PPP4R1: variants seen among roughly 807,000 people sequenced by gnomAD.
The protein encoded by PPP4R1 is serine/threonine-protein phosphatase 4 regulatory subunit 1.
In PPP4R1, 42 loss-of-function variants were observed where a neutral mutation model predicts 111.2. The observed-to-expected ratio is 0.38, with a 90% CI of 0.29 to 0.49. The LOEUF is 0.49. Among genes scored for constraint, PPP4R1 ranks in the 20% least tolerant of loss-of-function variants. PPP4R1 has a pLI of 0.97. For missense variants in PPP4R1, 1,012 were observed against 1,161.6 expected (o/e 0.87, Z 1.87); for synonymous variants, 409 against 405.5 (o/e 1.01, Z -0.10).
At position 9,557,250 on chromosome 18, in the gene PPP4R1, C is replaced by T; in HGVS notation, c.2161G>A (p.Val721Ile). Residue 721 changes from valine (V) to isoleucine (I), a missense_variant, in exon 15 of 20, where the codon GTT becomes ATT. By Grantham distance (29) the Val-to-Ile change is conservative. This residue lies in a region of PPP4R1 where 305 missense variants were observed against 419.5 expected (regional missense o/e 0.73). Coordinates refer to ENST00000400556, the MANE Select transcript of PPP4R1 (RefSeq NM_001042388.3). ...AGAAAATCATGCAAGTGTTTAAGAA[C>T]ACCTATCCTGACTTCATCGAGGTCT... is the stretch of plus-strand genomic sequence containing the variant. ...LKDLDEVRIG[V>I]LKHLHDFLKL... 1 of 1,600,328 alleles carries T rather than the reference C, an allele frequency of 6.2e-7. No individual in the cohort carries two copies. The highest frequency in any genetic ancestry group is 1.1e-5 in the South Asian group (1 of 87,576).
chr18:9,601,736 G>A lies in PPP4R1; in HGVS notation c.53-6583C>T, dbSNP rs567459007. 2.3e-3 allele frequency among the ~76,000 whole-genome samples: 348 copies of A among 152,002 alleles called. 1 individual carries two copies. Among genetic ancestry groups the A allele is most frequent in the South Asian group, 0.015 (74 of 4,810 alleles). ...TTGAACTCCTGGTCTCAAGTGATCC[G>A]CCCGCCCTGGCCTCCCAAAGTGCTG... On this transcript the variant is annotated intron_variant, in intron 2 of 19. Transcript: ENST00000400556.
chr18:9,554,172 G>A (rs904103971), intron 15 of PPP4R1, among the ~76,000 whole-genome samples: 1 of 149,824 alleles, frequency 6.7e-6, no homozygotes, highest in East Asian at 2.0e-4. Context: ...CTGTGGTCCA[G>A]GCTGGAGTGC....
At chr18:9,582,054 C>T (rs946911343) in intron 9 of PPP4R1, among the ~76,000 whole-genome samples, 9 of 152,096 alleles carry the variant, frequency 5.9e-5, no homozygotes, top group Middle Eastern at 3.4e-3. Flanking sequence ...TAAAGTTTTT[C>T]GGGTTGAAAG....
chr18:9,583,385 G>C, intron 8 of PPP4R1, 110 bp from the exon 9 acceptor site: 9 of 1,157,650 alleles, frequency 7.8e-6, no homozygotes, highest in Non-Finnish European at 9.3e-6. Flanking sequence ...TGTTTGTTTT[G>C]AGACAGAGTC....
intron 6 of PPP4R1, among the ~76,000 whole-genome samples, chr18:9,585,355 T>C (rs1227553086): frequency 1.3e-5 from 2 of 152,200 alleles, no homozygotes; most frequent in Non-Finnish European, 2.9e-5. Context: ...TTTGCAAAGC[T>C]TCAGTTCCAG....
At position 9,562,908 on chromosome 18, in the gene PPP4R1, G is replaced by C. The variant is rs543753629; in HGVS notation, c.1746+470C>G. 1.8e-5 allele frequency: 18 copies of C among 987,068 alleles called. No individual in the cohort carries two copies. The African/African-American group carries it at 3.1e-4, about 17-fold the overall frequency. The allele number at this position is 987,068 out of a possible 1,614,324, so 61.1% of individuals were successfully genotyped here. ...CAAGTACACAGTGAAGATGATGCTAGGATCAGTACCCACCCTCACACTCCA... is the reference window on the plus strand; with the variant it reads ...CAAGTACACAGTGAAGATGATGCTACGATCAGTACCCACCCTCACACTCCA... On this transcript the variant is annotated intron_variant, in intron 12 of 19. Transcript: ENST00000400556.
chr18:9,549,872 T>C, intron 18 of PPP4R1, 180 bp downstream of exon 18: 1 of 879,726 alleles, frequency 1.1e-6, no homozygotes. Flanking sequence ...CTTGGCTAGC[T>C]GGGAGAGAGG....
Position 9,595,028 on chromosome 18 carries a change from T to C in PPP4R1, c.178A>G (p.Ile60Val), listed in dbSNP as rs748123208. 86 of 1,613,824 alleles carry C rather than the reference T, an allele frequency of 5.3e-5. No individual in the cohort carries two copies. The highest frequency in any genetic ancestry group is 6.9e-5 in the Non-Finnish European group (82 of 1,179,950). ...AGAATATGCACATACCTGTTAAATA[T>C]GTTCTCACTTGCAGCATACTTGTCC... ...RLDKYAASENIFNRQMVARSL... is the reference protein window; with the variant it reads ...RLDKYAASENVFNRQMVARSL... The change falls in exon 3 of 20, where the codon ATA becomes GTA. Residue 60 changes from isoleucine to valine, a missense_variant. Ile to Val is a conservative substitution (Grantham distance 29, BLOSUM62 3). Around this residue, in one of 2 missense-constraint regions of PPP4R1, gnomAD observed 707 missense variants for 742.1 expected, o/e 0.95. Transcript: ENST00000400556.
intron 6 of PPP4R1, 41 bp from the exon 7 acceptor site, chr18:9,584,869 T>A (rs1057241721): frequency 7.0e-7 from 1 of 1,430,640 alleles, no homozygotes; most frequent in Admixed American, 2.0e-5. Flanking sequence ...AAATATCAAG[T>A]AAGCCTCTTT....
At chr18:9,551,347 GC>G (rs2066485045) in intron 16 of PPP4R1, 1 of 152,278 alleles carries the variant, frequency 6.6e-6, no homozygotes, top group Non-Finnish European at 1.5e-5. Context: ...CAGGACACCT[GC>G]TAGCACCTAA....
At chr18:9,596,566 A>G (rs963691763) in intron 2 of PPP4R1, among the ~76,000 whole-genome samples, 3 of 152,186 alleles carry the variant, frequency 2.0e-5, no homozygotes, top group African/African-American at 7.2e-5. Flanking sequence ...TTTGAAACAA[A>G]TAAATCTGTT....
chr18:9,604,449 G>A (rs2145323147), intron 2 of PPP4R1, among the ~76,000 whole-genome samples: 1 of 152,186 alleles, frequency 6.6e-6, no homozygotes, highest in South Asian at 2.1e-4. Flanking sequence ...TAATTCAAGG[G>A]TGTCCAGGAT....
At chr18:9,588,553 T>G (rs902607475) in intron 5 of PPP4R1, among the ~76,000 whole-genome samples, 158 bp downstream of exon 5, 2 of 152,190 alleles carry the variant, frequency 1.3e-5, no homozygotes, top group Non-Finnish European at 2.9e-5. Context: ...ATTAAAGGGA[T>G]CTACTAGATT....
At chr18:9,583,520 C>T (rs1289542682) in intron 8 of PPP4R1, among the ~76,000 whole-genome samples, 25 of 152,122 alleles carry the variant, frequency 1.6e-4, no homozygotes, top group Admixed American at 1.6e-3. Flanking sequence ...ACGTGTGCCA[C>T]CACGCCCAGC....
At chr18:9,616,145 TCC>T (rs2067685616), upstream of PPP4R1, among the ~76,000 whole-genome samples, 1 of 152,110 alleles carries the variant, frequency 6.6e-6, no homozygotes, top group Non-Finnish European at 1.5e-5. Flanking sequence ...CAGCAATTGG[TCC>T]CAACTGACTC....
intron 4 of PPP4R1, among the ~76,000 whole-genome samples, chr18:9,593,428 CTAAAA>C (rs10600693): frequency 0.097 from 14,702 of 151,970 alleles, 726 homozygotes; most frequent in African/African-American, 0.12. Flanking sequence ...CTATAGTTGC[CTAAAA>C]TAATTTACAG....
chr18:9,546,880 GAAAA>G lies in PPP4R1; in HGVS notation c.*905_*908del, dbSNP rs2144939607. On this transcript the variant is annotated 3_prime_UTR_variant, in exon 20 of 20. Transcript: ENST00000400556. Reference sequence around the variant, plus strand: ...AATTGCATTTATTGGTAGACATCTAGAAAACAATCAAAAGTGTATATATCTCTCT... The same window carrying G: ...AATTGCATTTATTGGTAGACATCTAGCAATCAAAAGTGTATATATCTCTCT... 6.6e-6 allele frequency: 1 copy of G among 152,268 alleles called. No individual in the cohort carries two copies. The highest frequency in any genetic ancestry group is 1.9e-4 in the East Asian group (1 of 5,184). 9.4% of individuals were successfully genotyped at this position (152,268 alleles called of 1,614,324 possible).
intron 6 of PPP4R1, among the ~76,000 whole-genome samples, chr18:9,586,871 AT>A (rs1357298370): frequency 9.2e-5 from 14 of 152,160 alleles, no homozygotes; most frequent in African/African-American, 2.7e-4. Context: ...CTCTATACTA[AT>A]TCATGCCCTA....
At chr18:9,560,881 A>G (rs1354931495) in intron 13 of PPP4R1, among the ~76,000 whole-genome samples, 1 of 150,932 alleles carries the variant, frequency 6.6e-6, no homozygotes, top group East Asian at 2.0e-4. Flanking sequence ...ATAACAAAAT[A>G]AATATACCAT....
Sources: allele counts gnomAD v4.1 joint callset (sites outside exome capture counted in the v4.1 genomes callset), GRCh38; gene constraint gnomAD v4.1.1; regional missense constraint gnomAD v4.1.1; transcripts MANE v1.5; gene names NCBI Gene and HGNC (gene_info 2026-07-23, HGNC 2026-07-21).